MAPRE3: variants seen among roughly 807,000 people sequenced by gnomAD.
MAPRE3 encodes microtubule-associated protein RP/EB family member 3.
A neutral mutation model predicts 30.5 loss-of-function variants in MAPRE3; 2 were observed. The observed-to-expected ratio is 0.07, with a 90% CI of 0.03 to 0.21. The LOEUF is 0.21. Ranked by LOEUF, MAPRE3 falls within the 10% of genes least tolerant of loss-of-function variation. The pLI, the probability that MAPRE3 is intolerant of heterozygous loss-of-function variation, is 1.00. For missense variants in MAPRE3, 204 were observed against 351.8 expected, an observed-to-expected ratio of 0.58 and a Z score of 3.36; for synonymous variants, 110 against 127.7, an observed-to-expected ratio of 0.86 and a Z score of 0.93.
At chr2:27,001,264 T>C (rs141953852) in intron 1 of MAPRE3, among the ~76,000 whole-genome samples, 9 of 152,396 alleles carry the variant, frequency 5.9e-5, no homozygotes, top group African/African-American at 2.2e-4. Context: ...CATAGCCTAT[T>C]GCTCCTAGGC....
At chr2:26,995,831 A>ATG (rs1323254577) in intron 1 of MAPRE3, among the ~76,000 whole-genome samples, 43 of 80,692 alleles carry the variant, frequency 5.3e-4, no homozygotes, top group African/African-American at 2.1e-3. Context: ...GTGTGTGTGT[A>ATG]TGTGTGTGTG....
intron 6 of MAPRE3, 53 bp from the exon 7 acceptor site, chr2:27,026,227 A>C: frequency 6.5e-7 from 1 of 1,544,200 alleles, no homozygotes; most frequent in Admixed American, 1.8e-5. Flanking sequence ...GAACCTGAGA[A>C]GCCCTGCCTG....
Position 27,025,740 on chromosome 2 carries a change from G to C in MAPRE3, c.624+3G>C. 2 of 1,614,212 alleles carry C rather than the reference G, an allele frequency of 1.2e-6. No homozygotes were observed. Among genetic ancestry groups the C allele is most frequent in the Non-Finnish European group, 1.7e-6 (2 of 1,180,036 alleles). ...AAATTCTTGAACTCAACCAACAGGT[G>C]AGTGGGATGGGTAAGGGTAGCTGAG... On this transcript the variant is annotated splice_donor_region_variant and intron_variant, in intron 5 of 6. Transcript: ENST00000233121.
chr2:26,994,878 C>T (rs1015184948), intron 1 of MAPRE3, among the ~76,000 whole-genome samples: 8 of 147,108 alleles, frequency 5.4e-5, no homozygotes, highest in African/African-American at 2.0e-4. Flanking sequence ...TGTCTATCAC[C>T]CAGGCTGGAG....
chr2:27,022,682 A>G (rs1572773960), intron 2 of MAPRE3: 1 of 220,526 alleles, frequency 4.5e-6, no homozygotes, highest in African/African-American at 2.3e-5. Context: ...AGAAAAGGTG[A>G]TAATAAAATA....
chr2:26,971,703 T>G lies in MAPRE3; in HGVS notation c.-8+901T>G, dbSNP rs371092178. ...CCTGATACCATCCATAGGAAGTGCT[T>G]ACTGTTTATATATGAAGGGGCTGTG... On this transcript the variant is annotated intron_variant, in intron 1 of 6. Transcript: ENST00000233121. 2.4e-4 allele frequency among the ~76,000 whole-genome samples: 37 copies of G among 152,166 alleles called. 1 individual carries two copies. The East Asian group carries it at 6.2e-3, about 25-fold the overall frequency.
chr2:27,022,439 G>A (rs1667127346), intron 2 of MAPRE3, 100 bp downstream of exon 2: 15 of 1,407,944 alleles, frequency 1.1e-5, no homozygotes, highest in Non-Finnish European at 1.3e-5. Flanking sequence ...GTCATGCATG[G>A]CTGAATGACT....
At chr2:26,971,730 C>T (rs1445173174) in intron 1 of MAPRE3, among the ~76,000 whole-genome samples, 2 of 151,850 alleles carry the variant, frequency 1.3e-5, no homozygotes, top group African/African-American at 4.8e-5. Flanking sequence ...GGGGCTGTGG[C>T]AGGACTTGAT....
intron 1 of MAPRE3, among the ~76,000 whole-genome samples, chr2:27,001,490 A>C (rs1666593444): frequency 6.6e-6 from 1 of 152,204 alleles, no homozygotes; most frequent in South Asian, 2.1e-4. Context: ...TGGGTGAGAC[A>C]GAGTGAGATC....
chr2:26,975,093 C>T (rs1311896484), intron 1 of MAPRE3, among the ~76,000 whole-genome samples: 1 of 152,170 alleles, frequency 6.6e-6, no homozygotes, highest in Non-Finnish European at 1.5e-5. Flanking sequence ...GAAAGACTGG[C>T]AGGACAGGAG....
chr2:27,019,283 GA>G (rs1308421030), intron 1 of MAPRE3, among the ~76,000 whole-genome samples: 1 of 151,668 alleles, frequency 6.6e-6, no homozygotes, highest in African/African-American at 2.4e-5. Flanking sequence ...GTCTCCCACA[GA>G]GGGGGTCAGA....
intron 1 of MAPRE3, among the ~76,000 whole-genome samples, chr2:26,982,553 A>G (rs934907138): frequency 6.6e-6 from 1 of 152,268 alleles, no homozygotes; most frequent in African/African-American, 2.4e-5. Context: ...GCCTCAAGCC[A>G]GGTGGGGCAG....
At chr2:26,976,343 A>G (rs1666013636) in intron 1 of MAPRE3, among the ~76,000 whole-genome samples, 1 of 152,202 alleles carries the variant, frequency 6.6e-6, no homozygotes, top group Non-Finnish European at 1.5e-5. Context: ...TGACACACCT[A>G]TCATTTGGAC....
chr2:27,021,034 G>C (rs1343586778), intron 1 of MAPRE3, among the ~76,000 whole-genome samples: 1 of 152,126 alleles, frequency 6.6e-6, no homozygotes, highest in Non-Finnish European at 1.5e-5. Context: ...TTCATGTCAT[G>C]ATTTCCTAAA....
chr2:27,020,996 G>A (rs775982699), intron 1 of MAPRE3, among the ~76,000 whole-genome samples: 4 of 152,156 alleles, frequency 2.6e-5, no homozygotes, highest in Non-Finnish European at 5.9e-5. Context: ...AAAAAAAAAG[G>A]ATTGTTGCAT....
chr2:26,973,194 G>A (rs1406126905), intron 1 of MAPRE3, among the ~76,000 whole-genome samples: 1 of 152,210 alleles, frequency 6.6e-6, no homozygotes, highest in Non-Finnish European at 1.5e-5. Context: ...AAGACTTGAG[G>A]GAGGGATTTG....
chr2:27,005,711 C>T (rs1271979398), intron 1 of MAPRE3, among the ~76,000 whole-genome samples: 2 of 152,110 alleles, frequency 1.3e-5, no homozygotes, highest in African/African-American at 4.8e-5. Flanking sequence ...AACATGACAT[C>T]CAAAGGGAGA....
chr2:26,973,359 A>G (rs1205651939), intron 1 of MAPRE3, among the ~76,000 whole-genome samples: 4 of 152,152 alleles, frequency 2.6e-5, no homozygotes, highest in Non-Finnish European at 5.9e-5. Flanking sequence ...TATTTGTAAG[A>G]TGACTGGCTG....
At chr2:26,990,760 C>T (rs528572897) in intron 1 of MAPRE3, among the ~76,000 whole-genome samples, 7 of 152,054 alleles carry the variant, frequency 4.6e-5, no homozygotes, top group Non-Finnish European at 1.0e-4. Context: ...AGAGTAATTA[C>T]CAAGAGAGTA....
Sources: gnomAD v4.1 joint callset for allele counts (sites outside exome capture counted in the v4.1 genomes callset) on GRCh38, gnomAD v4.1.1 for gene constraint, MANE v1.5 for transcripts, NCBI Gene and HGNC (gene_info 2026-07-23, HGNC 2026-07-21) for gene names.